Variants in ARHGAP40 observed in about 807,000 individuals in gnomAD.
ARHGAP40 encodes the protein rho GTPase-activating protein 40.
Under a neutral mutation model 73.5 loss-of-function variants are expected in ARHGAP40, and 43 were observed. The ratio of observed to expected loss-of-function variants is 0.58; its 90% CI spans 0.46 to 0.75. The LOEUF is 0.75. Among genes scored for constraint, ARHGAP40 ranks in the 30% least tolerant of loss-of-function variants. The probability of loss-of-function intolerance (pLI) is 0.00; values close to 1 mark genes in which losing one functional copy is unlikely to be tolerated. For missense variants in ARHGAP40, 734 were observed against 861.8 expected, an observed-to-expected ratio of 0.85 and a Z score of 1.86; for synonymous variants, 300 against 352.8, an observed-to-expected ratio of 0.85 and a Z score of 1.68.
intron 1 of ARHGAP40, among the ~76,000 whole-genome samples, chr20:38,603,268 G>A (rs1248693140): frequency 1.3e-5 from 2 of 152,242 alleles, no homozygotes. Flanking sequence ...GGGGAGCTTA[G>A]TGAGACCATT....
chr20:38,625,714 T>G (rs2088895304), intron 2 of ARHGAP40, among the ~76,000 whole-genome samples: 1 of 152,198 alleles, frequency 6.6e-6, no homozygotes, highest in Non-Finnish European at 1.5e-5. Context: ...CCACCATGCC[T>G]GGTCATCTTT....
exon 15 of ARHGAP40, chr20:38,650,248 A>C (rs529648321): frequency 1.0e-4 from 44 of 425,164 alleles, no homozygotes; most frequent in African/African-American, 8.8e-4. Flanking sequence ...GGGCGCTTGG[A>C]TCTCCATGGG....
At position 38,622,109 on chromosome 20, in the gene ARHGAP40, AT is replaced by A. The variant is rs879785746; in HGVS notation, c.138-1240del. ...AAAACAGAAAAGCACATATATATAT[AT>A]TTTTTTTTTAAAAAGGCAGCATGTG... On this transcript the variant is annotated intron_variant, in intron 1 of 14. Coordinates refer to ENST00000373345, the Ensembl canonical transcript of ARHGAP40. 3.7e-3 allele frequency among the ~76,000 whole-genome samples: 545 copies of A among 148,698 alleles called. 2 individuals carry two copies. The highest frequency in any genetic ancestry group is 7.3e-3 in the Admixed American group (110 of 15,050).
intron 1 of ARHGAP40, among the ~76,000 whole-genome samples, chr20:38,609,521 CT>C (rs1266534129): frequency 6.6e-6 from 1 of 152,190 alleles, no homozygotes; most frequent in African/African-American, 2.4e-5. Flanking sequence ...AAAAGAATGT[CT>C]CTGGTCTCAA....
At chr20:38,623,485 G>A (rs375513583) in exon 2 of ARHGAP40, 293 of 1,290,824 alleles carry the variant, frequency 2.3e-4, no homozygotes, top group Non-Finnish European at 2.8e-4. Flanking sequence ...TTTGGATGGA[G>A]GTGGAACAGA....
At chr20:38,617,071 C>G (rs2145598141) in intron 1 of ARHGAP40, among the ~76,000 whole-genome samples, 1 of 152,280 alleles carries the variant, frequency 6.6e-6, no homozygotes, top group African/African-American at 2.4e-5. Context: ...GCCCCCAAAG[C>G]CCTATTCACC....
intron 2 of ARHGAP40, 40 bp downstream of exon 2, chr20:38,623,598 G>A (rs1159992728): frequency 2.4e-6 from 3 of 1,244,190 alleles, no homozygotes; most frequent in Admixed American, 2.7e-5. Context: ...GTGGTGGGAG[G>A]GCTTGATTCC....
intron 1 of ARHGAP40, among the ~76,000 whole-genome samples, chr20:38,610,174 T>C (rs1260435148): frequency 2.0e-5 from 3 of 151,480 alleles, no homozygotes; most frequent in Non-Finnish European, 4.4e-5. Flanking sequence ...TATGCATCTC[T>C]GTGTGTGTGT....
At chr20:38,612,389 G>T (rs550017882) in intron 1 of ARHGAP40, among the ~76,000 whole-genome samples, 1 of 152,188 alleles carries the variant, frequency 6.6e-6, no homozygotes, top group African/African-American at 2.4e-5. Context: ...ATTAAATAAA[G>T]TTGGCTGGGC....
At chr20:38,627,767 G>C (rs1186442602) in intron 3 of ARHGAP40, among the ~76,000 whole-genome samples, 2 of 151,998 alleles carry the variant, frequency 1.3e-5, no homozygotes, top group Admixed American at 1.3e-4. Flanking sequence ...TCCCTATGTT[G>C]CATGTAGGTC....
At chr20:38,627,020 G>A (rs760996042) in exon 3 of ARHGAP40, 45 of 1,304,532 alleles carry the variant, frequency 3.4e-5, no homozygotes, top group Non-Finnish European at 4.4e-5. Context: ...CCCAGTGGCT[G>A]CAGGACACAG....
At chr20:38,617,951 T>A (rs80240399) in intron 1 of ARHGAP40, among the ~76,000 whole-genome samples, 2,841 of 152,320 alleles carry the variant, frequency 0.019, 87 homozygotes, top group African/African-American at 0.064. Context: ...TACACTACAC[T>A]GCCCCAGGTA....
chr20:38,614,846 A>G (rs966461309), intron 1 of ARHGAP40: 2 of 866,566 alleles, frequency 2.3e-6, no homozygotes, highest in Admixed American at 3.8e-5. Context: ...GAGCTCCAGA[A>G]CCATGAGTAC....
chr20:38,650,037 G>A (rs2089079544), exon 15 of ARHGAP40: 1 of 377,768 alleles, frequency 2.6e-6, no homozygotes, highest in Non-Finnish European at 5.1e-6. Flanking sequence ...TCCACTCAGA[G>A]GGGATGAGGG....
Position 38,623,336 on chromosome 20 carries a change from T to A in ARHGAP40, c.138-23T>A, listed in dbSNP as rs565688332. On this transcript the variant is annotated intron_variant, in intron 1 of 14. Transcript: ENST00000373345. ...ATAAGCAGAGACTTGCTGACCTCCC[T>A]GCACCTTCCCCACTTGCTACAGCTC... 18 of 1,275,222 alleles carry A rather than the reference T, an allele frequency of 1.4e-5. No homozygotes were observed. In the African/African-American group the frequency reaches 2.7e-4, roughly 19 times the overall value. 79.0% of individuals were successfully genotyped at this position (1,275,222 alleles called of 1,614,324 possible). A position where few individuals can be genotyped will look rare whatever the true frequency, so the allele number is the denominator to read the frequency against.
chr20:38,614,895 C>T, intron 1 of ARHGAP40: 1 of 1,331,274 alleles, frequency 7.5e-7, no homozygotes. Context: ...CAGCAAGCTG[C>T]CTGCACCAGG....
chr20:38,619,397 A>G (rs1160773893), intron 1 of ARHGAP40, among the ~76,000 whole-genome samples: 3 of 151,966 alleles, frequency 2.0e-5, no homozygotes, highest in African/African-American at 7.3e-5. Flanking sequence ...CTTGGACCAG[A>G]GTGGTGGTTC....
chr20:38,640,162 T>TC (rs1462545602), intron 9 of ARHGAP40, among the ~76,000 whole-genome samples: 2 of 145,802 alleles, frequency 1.4e-5, no homozygotes, highest in African/African-American at 2.6e-5. Flanking sequence ...TCTTCTTTCT[T>TC]CTTTCTTCTT....
intron 1 of ARHGAP40, among the ~76,000 whole-genome samples, chr20:38,608,556 A>G (rs187079646): frequency 6.6e-6 from 1 of 152,282 alleles, no homozygotes; most frequent in East Asian, 1.9e-4. Context: ...TCTGTATACT[A>G]TCACACAATC....
Sources: allele counts gnomAD v4.1 joint callset (sites outside exome capture counted in the v4.1 genomes callset), GRCh38; gene constraint gnomAD v4.1.1; transcripts MANE v1.5; gene names NCBI Gene and HGNC (gene_info 2026-07-23, HGNC 2026-07-21).